The following CCNK variants were observed in gnomAD, a reference collection of about 807,000 sequenced individuals.
CCNK encodes the protein cyclin-K.
Under a neutral mutation model 65.0 loss-of-function variants are expected in CCNK, and 9 were observed. The observed-to-expected ratio is 0.14, with a 90% confidence interval of 0.08 to 0.24. The LOEUF is 0.24. Ranked by LOEUF, CCNK falls within the 10% of genes least tolerant of loss-of-function variation. The pLI is 1.00. For synonymous variants in CCNK, 279 were observed against 270.8 expected (o/e 1.03, Z -0.30); for missense variants, 474 against 720.0 (o/e 0.66, Z 3.91).
chr14:99,505,784 T>C (rs1896958894), intron 9 of CCNK: 2 of 152,042 alleles, frequency 1.3e-5, no homozygotes, highest in African/African-American at 4.8e-5. Flanking sequence ...TTGAGCCTGG[T>C]TGGTTGAAGC....
At chr14:99,482,090 G>A (rs1372855171) in intron 1 of CCNK, among the ~76,000 whole-genome samples, 2 of 152,226 alleles carry the variant, frequency 1.3e-5, no homozygotes, top group Non-Finnish European at 2.9e-5. Context: ...CGTAAGTCTA[G>A]AGGTTATGTG....
Position 99,510,693 on chromosome 14 carries a change from C to G in CCNK, c.1654C>G (p.Pro552Ala), listed in dbSNP as rs753951143. ...PASYPPPAVPPGGQPPVPPPI... is the reference protein window; with the variant it reads ...PASYPPPAVPAGGQPPVPPPI... Reference sequence around the variant, plus strand: ...CAGCTACCCACCTCCTGCCGTCCCCCCTGGAGGACAGCCTCCTGTGCCCCC... The same window carrying G: ...CAGCTACCCACCTCCTGCCGTCCCCGCTGGAGGACAGCCTCCTGTGCCCCC... Residue 552 changes from proline (P) to alanine (A), a missense_variant, in exon 11 of 11, where the codon CCT becomes GCT. Around this residue, in one of 6 missense-constraint regions of CCNK, gnomAD observed 53 missense variants for 91.4 expected, o/e 0.58. Transcript: ENST00000389879. 1.4e-5 allele frequency: 20 copies of G among 1,431,020 alleles called. No individual in the cohort carries two copies. The African/African-American group carries it at 1.6e-4, about 12-fold the overall frequency. The allele number at this position is 1,431,020 out of a possible 1,614,324, so 88.6% of individuals were successfully genotyped here.
At chr14:99,488,468 TTTTTCAC>T (rs1896538542) in intron 1 of CCNK, among the ~76,000 whole-genome samples, 2 of 152,184 alleles carry the variant, frequency 1.3e-5, no homozygotes. Flanking sequence ...ATGTTGTGCT[TTTTTCAC>T]TTACTCTTGT....
At position 99,495,633 on chromosome 14, in the gene CCNK, A is replaced by G. The variant is rs1595309925; in HGVS notation, c.411+4A>G. The G allele has an allele frequency of 1.2e-6, 2 of 1,600,926 alleles. No individual in the cohort carries two copies. Among genetic ancestry groups the G allele is most frequent in the East Asian group, 2.2e-5 (1 of 44,488 alleles). ...CCAGTTTGGAGATGACCCAAAGGTA[A>G]GAATGATAATAACTTCCTGCCTTCT... is the stretch of plus-strand genomic sequence containing the variant. On this transcript the variant is annotated splice_donor_region_variant and intron_variant, in intron 4 of 10. Coordinates refer to ENST00000389879, the MANE Select transcript of CCNK (RefSeq NM_001099402.2).
At position 99,501,188 on chromosome 14, in the gene CCNK, A is replaced by G. The variant is rs2069495; in HGVS notation, c.518-168A>G. 6.8e-4 allele frequency: 422 copies of G among 620,780 alleles called. No homozygotes were observed. In the African/African-American group the frequency reaches 7.0e-3, roughly 10 times the overall value. 38.5% of individuals were successfully genotyped at this position (620,780 alleles called of 1,614,324 possible). On this transcript the variant is annotated intron_variant, in intron 5 of 10. Transcript: ENST00000389879. Reference sequence around the variant, plus strand: ...GGTTCAGCGTAGGTCATGAGGAGGAAGAAGGGGTAGGATGTGGACCCACAT... The same window carrying G: ...GGTTCAGCGTAGGTCATGAGGAGGAGGAAGGGGTAGGATGTGGACCCACAT...
At chr14:99,499,913 T>C (rs1896783595) in intron 4 of CCNK, among the ~76,000 whole-genome samples, 1 of 152,224 alleles carries the variant, frequency 6.6e-6, no homozygotes, top group Non-Finnish European at 1.5e-5. Context: ...AATGAGAATA[T>C]TAATAGCATG....
rs1897105510 is a variant in CCNK, at chr14:99,510,606, C to T, written c.1567C>T (p.Arg523Cys). ...YNPNFPPPPP[R>C]LPPTHAVPPH... ...CCCCAACTTCCCACCCCCACCCCCA[C>T]GCCTCCCGCCTACCCACGCAGTCCC... The change falls in exon 11 of 11, where the codon CGC becomes TGC. Residue 523 changes from arginine (R) to cysteine (C), a missense_variant. Transcript: ENST00000389879. The T allele has an allele frequency of 2.6e-6, 3 of 1,144,806 alleles. No homozygotes were observed. The highest frequency in any genetic ancestry group is 2.8e-5 in the East Asian group (1 of 36,240). The allele number at this position is 1,144,806 out of a possible 1,614,324, so 70.9% of individuals were successfully genotyped here.
chr14:99,511,558 C>G lies in CCNK; in HGVS notation c.*776C>G, dbSNP rs1445678370. 6.6e-6 allele frequency: 1 copy of G among 152,482 alleles called. No individual in the cohort carries two copies. Among genetic ancestry groups the G allele is most frequent in the East Asian group, 1.9e-4 (1 of 5,200 alleles). The allele number at this position is 152,482 out of a possible 1,614,324, so 9.4% of individuals were successfully genotyped here. On this transcript the variant is annotated 3_prime_UTR_variant, in exon 11 of 11. Transcript: ENST00000389879. ...GGTGGAAGGTGGGGCTCCAGGCCTTCGCAGTCTGTGGCTTATAAAATGTGC... is the reference window on the plus strand; with the variant it reads ...GGTGGAAGGTGGGGCTCCAGGCCTTGGCAGTCTGTGGCTTATAAAATGTGC...
chr14:99,498,470 A>G lies in CCNK; in HGVS notation c.412-2296A>G, dbSNP rs141002489. Among the ~76,000 whole-genome samples the G allele has an allele frequency of 2.8e-3, 425 of 152,268 alleles. 2 individuals carry two copies. The highest frequency in any genetic ancestry group is 9.5e-3 in the African/African-American group (394 of 41,566). On this transcript the variant is annotated intron_variant, in intron 4 of 10. Coordinates refer to ENST00000389879, the MANE Select transcript of CCNK (RefSeq NM_001099402.2). ...GTTTTCCTCTGCAGACAGGAGGGCAATTCTTTAGTGGAGGCAGTATAAGTA... is the reference window on the plus strand; with the variant it reads ...GTTTTCCTCTGCAGACAGGAGGGCAGTTCTTTAGTGGAGGCAGTATAAGTA...
At position 99,481,413 on chromosome 14, in the gene CCNK, T is replaced by G; in HGVS notation, c.-119T>G. 1 of 395,588 alleles carries G rather than the reference T, an allele frequency of 2.5e-6. No homozygotes were observed. The allele number at this position is 395,588 out of a possible 1,614,324, so 24.5% of individuals were successfully genotyped here. A position where few individuals can be genotyped will look rare whatever the true frequency, so the allele number is the denominator to read the frequency against. On this transcript the variant is annotated 5_prime_UTR_variant, in exon 1 of 11. Transcript: ENST00000389879. Reference sequence around the variant, plus strand: ...AGCGTGATGACGTAGGTCCCCGACATTCCATATACAAGATGGCCGCAGTCG... The same window carrying G: ...AGCGTGATGACGTAGGTCCCCGACAGTCCATATACAAGATGGCCGCAGTCG...
intron 1 of CCNK, 32 bp downstream of exon 1, chr14:99,481,511 C>T: frequency 2.5e-6 from 1 of 398,642 alleles, no homozygotes. Context: ...GGCAGCGCCG[C>T]CCACCTCCCG....
intron 1 of CCNK, among the ~76,000 whole-genome samples, chr14:99,486,048 G>A (rs183411576): frequency 9.2e-5 from 14 of 152,142 alleles, no homozygotes; most frequent in South Asian, 6.2e-4. Context: ...CAAATCAGTC[G>A]TTTTTAGTAT....
At chr14:99,493,221 T>G (rs1896631423) in intron 2 of CCNK, 2 of 428,820 alleles carry the variant, frequency 4.7e-6, no homozygotes, top group African/African-American at 4.1e-5. Context: ...TGGGCTGCAG[T>G]GAGCCAAGAT....
intron 1 of CCNK, among the ~76,000 whole-genome samples, chr14:99,487,922 A>G (rs182828587): frequency 6.6e-6 from 1 of 152,358 alleles, no homozygotes; most frequent in East Asian, 1.9e-4. Context: ...TGATGAAGAT[A>G]AGGAGTCCTC....
At chr14:99,481,546 A>G (rs368849385) in intron 1 of CCNK, 67 bp downstream of exon 1, 11 of 398,298 alleles carry the variant, frequency 2.8e-5, no homozygotes, top group East Asian at 2.1e-4. Flanking sequence ...GGAGTAGGTT[A>G]TGGCCAACCG....
At chr14:99,499,138 C>T (rs1479260102) in intron 4 of CCNK, among the ~76,000 whole-genome samples, 1 of 152,190 alleles carries the variant, frequency 6.6e-6, no homozygotes, top group Non-Finnish European at 1.5e-5. Flanking sequence ...CGCCCAGGCT[C>T]GAGCGATTCT....
At chr14:99,487,604 T>G (rs1896517716) in intron 1 of CCNK, among the ~76,000 whole-genome samples, 1 of 152,200 alleles carries the variant, frequency 6.6e-6, no homozygotes, top group Non-Finnish European at 1.5e-5. Context: ...AATGTAAAAG[T>G]GGTACTGTGT....
intron 1 of CCNK, among the ~76,000 whole-genome samples, chr14:99,489,547 GTAAA>G (rs1896557719): frequency 6.6e-6 from 1 of 152,156 alleles, no homozygotes; most frequent in African/African-American, 2.4e-5. Flanking sequence ...AAGTAAGTAA[GTAAA>G]TAAATAAACA....
Position 99,502,682 on chromosome 14 carries a change from C to G in CCNK, c.746-37C>G, listed in dbSNP as rs1327205566. The G allele has an allele frequency of 1.9e-6, 3 of 1,588,428 alleles. No individual in the cohort carries two copies. In the South Asian group the frequency reaches 3.3e-5, roughly 18 times the overall value. On this transcript the variant is annotated intron_variant, in intron 7 of 10. Transcript: ENST00000389879. ...CCAGGTAAAATTTTATTTAAAATAC[C>G]AATTTGTGTAAAATGTAATTGTTGG...
Sources: allele counts gnomAD v4.1 joint callset (sites outside exome capture counted in the v4.1 genomes callset), GRCh38; gene constraint gnomAD v4.1.1; regional missense constraint gnomAD v4.1.1; transcripts MANE v1.5; gene names NCBI Gene and HGNC (gene_info 2026-07-23, HGNC 2026-07-21).